Variants in SESN1 observed in about 807,000 individuals in gnomAD.
SESN1 encodes sestrin-1.
A neutral mutation model predicts 59.3 loss-of-function variants in SESN1; 30 were observed. The observed-to-expected ratio is 0.51, with a 90% confidence interval of 0.38 to 0.69. The LOEUF is 0.69. Ranked by LOEUF, SESN1 falls within the 30% of genes least tolerant of loss-of-function variation. The pLI, the probability that SESN1 is intolerant of heterozygous loss-of-function variation, is 0.00. For synonymous variants in SESN1, 197 were observed against 219.9 expected (o/e 0.90, Z 0.92); for missense variants, 566 against 673.0 (o/e 0.84, Z 1.76).
intron 1 of SESN1, among the ~76,000 whole-genome samples, chr6:109,028,887 G>A (rs1780138935): frequency 6.6e-6 from 1 of 152,096 alleles, no homozygotes; most frequent in Non-Finnish European, 1.5e-5. Flanking sequence ...TGAAAAAATG[G>A]TACAGGATTG....
At chr6:109,074,464 AT>A (rs1441573771) in intron 1 of SESN1, among the ~76,000 whole-genome samples, 5 of 152,220 alleles carry the variant, frequency 3.3e-5, no homozygotes, top group Non-Finnish European at 5.9e-5. Flanking sequence ...TCATCTCAAC[AT>A]TGTATTCAGT....
chr6:109,019,837 C>G (rs2114367512), intron 1 of SESN1, among the ~76,000 whole-genome samples: 1 of 152,274 alleles, frequency 6.6e-6, no homozygotes, highest in East Asian at 1.9e-4. Flanking sequence ...ATTCAACTTT[C>G]AAGTATTCAA....
chr6:108,999,567 T>TAACA (rs1287777646), intron 4 of SESN1, among the ~76,000 whole-genome samples: 1 of 152,116 alleles, frequency 6.6e-6, no homozygotes, highest in Non-Finnish European at 1.5e-5. Flanking sequence ...TAAAGATGCA[T>TAACA]AACAATGAGA....
chr6:109,002,418 A>T (rs1779646504), intron 1 of SESN1, 75 bp from the exon 2 acceptor site: 1 of 1,164,604 alleles, frequency 8.6e-7, no homozygotes, highest in African/African-American at 1.5e-5. Context: ...AATGGGAGGG[A>T]AAAACAACCA....
At chr6:109,031,271 G>T (rs992601452) in intron 1 of SESN1, among the ~76,000 whole-genome samples, 3 of 152,120 alleles carry the variant, frequency 2.0e-5, no homozygotes, top group Admixed American at 6.5e-5. Context: ...TACTGCAGGG[G>T]GTAATAAAGG....
At chr6:109,010,254 G>A (rs1377753848) in intron 1 of SESN1, among the ~76,000 whole-genome samples, 1 of 152,052 alleles carries the variant, frequency 6.6e-6, no homozygotes, top group East Asian at 1.9e-4. Flanking sequence ...GAGGAACTTG[G>A]GAAAATACAG....
At chr6:109,031,702 T>C (rs539492537) in intron 1 of SESN1, among the ~76,000 whole-genome samples, 78 of 152,272 alleles carry the variant, frequency 5.1e-4, no homozygotes, top group African/African-American at 1.9e-3. Flanking sequence ...GGGTAGGAAA[T>C]GGCCCATCTT....
intron 7 of SESN1, among the ~76,000 whole-genome samples, chr6:108,991,325 T>A (rs749811237): frequency 1.3e-5 from 2 of 152,166 alleles, no homozygotes; most frequent in Non-Finnish European, 2.9e-5. Flanking sequence ...CACTGCAGTC[T>A]CCAACTGCTG....
intron 8 of SESN1, among the ~76,000 whole-genome samples, chr6:108,989,416 G>T (rs1167757212): frequency 1.3e-5 from 2 of 148,806 alleles, no homozygotes; most frequent in African/African-American, 2.4e-5. Flanking sequence ...GATATCTCTA[G>T]ATCTAGAGAT....
At chr6:108,991,082 CA>C (rs899401495) in intron 7 of SESN1, among the ~76,000 whole-genome samples, 1 of 149,702 alleles carries the variant, frequency 6.7e-6, no homozygotes, top group Non-Finnish European at 1.5e-5. Flanking sequence ...AAAACAACAA[CA>C]AAAAAAAACT....
At chr6:109,024,248 G>A (rs868742702) in intron 1 of SESN1, among the ~76,000 whole-genome samples, 2 of 152,144 alleles carry the variant, frequency 1.3e-5, no homozygotes, top group East Asian at 3.9e-4. Context: ...ATTATAACAA[G>A]CTTCTTTATC....
intron 1 of SESN1, among the ~76,000 whole-genome samples, chr6:109,036,264 G>A (rs1270794264): frequency 6.6e-6 from 1 of 152,172 alleles, no homozygotes; most frequent in Non-Finnish European, 1.5e-5. Context: ...TTATAGTTCA[G>A]CAAACCTATG....
chr6:109,071,725 A>C (rs1780937971), intron 1 of SESN1, among the ~76,000 whole-genome samples: 1 of 152,160 alleles, frequency 6.6e-6, no homozygotes, highest in Non-Finnish European at 1.5e-5. Context: ...CACCAGACAC[A>C]CTGCAAGAAT....
At chr6:109,061,438 G>A (rs1182643031) in intron 1 of SESN1, among the ~76,000 whole-genome samples, 2 of 152,108 alleles carry the variant, frequency 1.3e-5, no homozygotes, top group Non-Finnish European at 2.9e-5. Context: ...AATTAAAGGG[G>A]ATGTATCAGA....
chr6:108,989,119 C>T (rs936077695), intron 8 of SESN1, among the ~76,000 whole-genome samples: 19 of 152,246 alleles, frequency 1.2e-4, no homozygotes, highest in African/African-American at 4.3e-4. Context: ...TCTCTCACCT[C>T]AGCCTCCCGA....
intron 1 of SESN1, among the ~76,000 whole-genome samples, chr6:109,059,944 T>A (rs934815469): frequency 1.3e-5 from 2 of 152,196 alleles, no homozygotes; most frequent in Non-Finnish European, 2.9e-5. Flanking sequence ...CAAAACAATG[T>A]GACTAAACAC....
At chr6:109,002,181 G>T in intron 2 of SESN1, 97 bp downstream of exon 2, 1 of 1,045,640 alleles carries the variant, frequency 9.6e-7, no homozygotes, top group Non-Finnish European at 1.5e-6. Flanking sequence ...ACTAAAACAT[G>T]TTGTTGACCA....
Position 108,991,943 on chromosome 6 carries a change from T to C in SESN1, c.1233+844A>G, listed in dbSNP as rs565744081. On this transcript the variant is annotated intron_variant, in intron 7 of 9. Coordinates refer to ENST00000436639, the MANE Select transcript of SESN1 (RefSeq NM_014454.3). Reference sequence around the variant, plus strand: ...CCTCAACCTAAGCTTAATTATTGTCTAGTCTCCTCTACTTACAATACCCTT... The same window carrying C: ...CCTCAACCTAAGCTTAATTATTGTCCAGTCTCCTCTACTTACAATACCCTT... Among the ~76,000 whole-genome samples, 299 of 152,324 alleles carry C rather than the reference T, an allele frequency of 2.0e-3. 1 individual carries two copies. Among genetic ancestry groups the C allele is most frequent in the Non-Finnish European group, 3.5e-3 (235 of 68,028 alleles).
Position 109,000,647 on chromosome 6 carries a change from G to T in SESN1, c.573C>A (p.Tyr191Ter). 1 of 1,605,650 alleles carries T rather than the reference G, an allele frequency of 6.2e-7. No individual in the cohort carries two copies. The highest frequency in any genetic ancestry group is 8.5e-7 in the Non-Finnish European group (1 of 1,175,672). ...IMAAARHQCS[Y>*]LVNLHVNDFL... ...AATCATTTACATGCAGGTTCACTAA[G>T]TAGGAGCACTGATGTCTTGCCGCAG... Residue 191 changes from tyrosine to a stop codon, truncating the protein, a stop_gained, in exon 4 of 10, where the codon TAC becomes TAA. Coordinates refer to ENST00000436639, the MANE Select transcript of SESN1 (RefSeq NM_014454.3). LOFTEE classifies it high-confidence loss of function.
Sources: allele counts gnomAD v4.1 joint callset (sites outside exome capture counted in the v4.1 genomes callset), GRCh38; gene constraint gnomAD v4.1.1; transcripts MANE v1.5; gene names NCBI Gene and HGNC (gene_info 2026-07-23, HGNC 2026-07-21).